The following BBX variants were observed in gnomAD, a reference collection of about 807,000 sequenced individuals.
BBX encodes the protein HMG box transcription factor BBX.
A neutral mutation model predicts 100.2 loss-of-function variants in BBX; 30 were observed. The ratio of observed to expected loss-of-function variants is 0.30; its 90% CI spans 0.22 to 0.41. The LOEUF (loss-of-function observed/expected upper bound fraction) is 0.41. BBX is among the 10% of genes least tolerant of loss of function. The pLI, the probability that BBX is intolerant of heterozygous loss-of-function variation, is 1.00. For synonymous variants in BBX, 376 were observed against 388.1 expected (o/e 0.97, Z 0.37); for missense variants, 1,023 against 1,129.8 (o/e 0.91, Z 1.35).
chr3:107,612,517 C>G (rs1411376379), intron 2 of BBX, among the ~76,000 whole-genome samples: 2 of 152,164 alleles, frequency 1.3e-5, no homozygotes, highest in Non-Finnish European at 2.9e-5. Context: ...CCTTGGTGAT[C>G]TCGGATAAGA....
At chr3:107,669,919 G>A (rs773971427) in intron 3 of BBX, among the ~76,000 whole-genome samples, 10 of 152,146 alleles carry the variant, frequency 6.6e-5, no homozygotes, top group Non-Finnish European at 1.2e-4. Flanking sequence ...TCTGACTCAT[G>A]AGCATGGAAA....
chr3:107,644,249 A>T (rs1200992411), intron 2 of BBX, among the ~76,000 whole-genome samples: 1 of 152,200 alleles, frequency 6.6e-6, no homozygotes, highest in African/African-American at 2.4e-5. Context: ...TATTTCTCAG[A>T]TAGCATATAT....
chr3:107,801,708 ATG>A (rs2070500737), intron 17 of BBX, among the ~76,000 whole-genome samples: 1 of 151,992 alleles, frequency 6.6e-6, no homozygotes, highest in South Asian at 2.1e-4. Flanking sequence ...TTTCACAGAG[ATG>A]TTATGTGGGG....
intron 2 of BBX, among the ~76,000 whole-genome samples, chr3:107,611,584 T>C (rs995774090): frequency 7.9e-5 from 12 of 152,228 alleles, no homozygotes; most frequent in African/African-American, 2.2e-4. Context: ...AGGTTTCCAC[T>C]GAAAAGACTG....
chr3:107,575,722 C>T (rs537152077), intron 2 of BBX, among the ~76,000 whole-genome samples: 26 of 152,018 alleles, frequency 1.7e-4, no homozygotes, highest in East Asian at 9.6e-4. Flanking sequence ...CTCATTTCCT[C>T]GGGTAATTAT....
At chr3:107,801,410 G>A in intron 17 of BBX, 129 bp downstream of exon 17, 1 of 955,486 alleles carries the variant, frequency 1.0e-6, no homozygotes, top group Non-Finnish European at 1.5e-6. Context: ...GTTATATGAG[G>A]TATTACAAAA....
chr3:107,753,503 A>G (rs2065235040), intron 9 of BBX, among the ~76,000 whole-genome samples: 1 of 152,170 alleles, frequency 6.6e-6, no homozygotes, highest in African/African-American at 2.4e-5. Flanking sequence ...GGCAATAAGG[A>G]AAACTGTTCT....
At chr3:107,524,617 G>T (rs1426339659) in intron 1 of BBX, 10 of 99,332 alleles carry the variant, frequency 1.0e-4, no homozygotes, top group African/African-American at 3.1e-4. Flanking sequence ...ACGACAGAGG[G>T]GGGGGGGGGG....
chr3:107,575,910 C>G (rs2051738369), intron 2 of BBX, among the ~76,000 whole-genome samples: 1 of 152,128 alleles, frequency 6.6e-6, no homozygotes, highest in Non-Finnish European at 1.5e-5. Flanking sequence ...GTGGCTCATG[C>G]CTGTAATCCC....
intron 13 of BBX, among the ~76,000 whole-genome samples, chr3:107,779,963 T>C (rs1429277591): frequency 2.0e-5 from 3 of 152,040 alleles, no homozygotes; most frequent in Non-Finnish European, 4.4e-5. Context: ...ACAAGTCTAG[T>C]GAATAAAGAA....
chr3:107,536,768 C>T (rs1463118530), intron 2 of BBX, among the ~76,000 whole-genome samples: 2 of 152,012 alleles, frequency 1.3e-5, no homozygotes, highest in East Asian at 3.9e-4. Context: ...GGTGCTTGAC[C>T]TAGACTTTGG....
At chr3:107,661,677 T>C (rs893513703) in intron 3 of BBX, among the ~76,000 whole-genome samples, 2 of 152,200 alleles carry the variant, frequency 1.3e-5, no homozygotes, top group African/African-American at 4.8e-5. Context: ...TTCCTCCCTG[T>C]CTGTGATTTC....
At chr3:107,802,689 G>T (rs114583693) in intron 17 of BBX, among the ~76,000 whole-genome samples, 1 of 152,214 alleles carries the variant, frequency 6.6e-6, no homozygotes, top group Non-Finnish European at 1.5e-5. Flanking sequence ...TGGTCACACC[G>T]TTGCTCTGTT....
intron 6 of BBX, among the ~76,000 whole-genome samples, chr3:107,730,729 C>T (rs2063264893): frequency 6.6e-6 from 1 of 152,108 alleles, no homozygotes; most frequent in Non-Finnish European, 1.5e-5. Flanking sequence ...ACCTTCCTTG[C>T]ATTTATCTCA....
intron 10 of BBX, among the ~76,000 whole-genome samples, chr3:107,770,400 C>G (rs1439810544): frequency 6.6e-6 from 1 of 152,028 alleles, no homozygotes; most frequent in East Asian, 1.9e-4. Flanking sequence ...AGCCTTTTTT[C>G]CAGAACTAGT....
intron 9 of BBX, among the ~76,000 whole-genome samples, chr3:107,752,965 A>T (rs1386048131): frequency 1.3e-5 from 2 of 152,234 alleles, no homozygotes; most frequent in Non-Finnish European, 2.9e-5. Context: ...GAACAGTAAT[A>T]TAACAAATCA....
intron 3 of BBX, among the ~76,000 whole-genome samples, chr3:107,666,717 G>A (rs377566061): frequency 6.1e-4 from 93 of 152,246 alleles, no homozygotes; most frequent in African/African-American, 2.0e-3. Context: ...GGCTACAGGT[G>A]CGTGCCACCA....
intron 14 of BBX, among the ~76,000 whole-genome samples, chr3:107,790,938 G>A (rs987507092): frequency 1.3e-5 from 2 of 152,054 alleles, no homozygotes; most frequent in African/African-American, 4.8e-5. Context: ...TTCATTAGGT[G>A]AAAACATCAG....
chr3:107,654,667 A>G (rs2058034802), intron 3 of BBX, among the ~76,000 whole-genome samples: 1 of 152,140 alleles, frequency 6.6e-6, no homozygotes, highest in African/African-American at 2.4e-5. Flanking sequence ...ATCACTTAAA[A>G]AATATGTTTT....
Sources: gnomAD v4.1 joint callset for allele counts (sites outside exome capture counted in the v4.1 genomes callset) on GRCh38, gnomAD v4.1.1 for gene constraint, MANE v1.5 for transcripts, NCBI Gene and HGNC (gene_info 2026-07-23, HGNC 2026-07-21) for gene names.